Variants in SLC2A9 observed in about 807,000 individuals in gnomAD.
SLC2A9 encodes solute carrier family 2 member 9, also known as solute carrier family 2, facilitated glucose transporter member 9.
A neutral mutation model predicts 50.6 loss-of-function variants in SLC2A9; 39 were observed. The ratio of observed to expected loss-of-function variants is 0.77; its 90% CI spans 0.60 to 1.01. The LOEUF (loss-of-function observed/expected upper bound fraction) is 1.01. Ranked by LOEUF, SLC2A9 falls within the 50% of genes least tolerant of loss-of-function variation. The probability of loss-of-function intolerance (pLI) is 0.00; values close to 1 mark genes in which losing one functional copy is unlikely to be tolerated. For synonymous variants in SLC2A9, 324 were observed against 276.9 expected (o/e 1.17, Z -1.69); for missense variants, 686 against 677.6 (o/e 1.01, Z -0.14).
chr4:9,857,993 T>C (rs567531901), intron 10 of SLC2A9, among the ~76,000 whole-genome samples: 1 of 152,332 alleles, frequency 6.6e-6, no homozygotes, highest in South Asian at 2.1e-4. Context: ...AAAAATAGGA[T>C]GTCCCATGTC....
intron 2 of SLC2A9, among the ~76,000 whole-genome samples, chr4:9,998,323 T>C (rs1340292310): frequency 7.4e-6 from 1 of 135,234 alleles, no homozygotes; most frequent in Non-Finnish European, 1.5e-5. Flanking sequence ...AGACCTGGGC[T>C]CAAATCCCAG....
chr4:10,037,261 A>T (rs1230263345), intron 1 of SLC2A9, among the ~76,000 whole-genome samples: 1 of 152,150 alleles, frequency 6.6e-6, no homozygotes, highest in Non-Finnish European at 1.5e-5. Context: ...CCACCACTGA[A>T]CTGTGTTCTG....
At chr4:9,821,093 G>A (rs1045398911) in intron 3 of SLC2A9, among the ~76,000 whole-genome samples, 1 of 152,090 alleles carries the variant, frequency 6.6e-6, no homozygotes, top group Non-Finnish European at 1.5e-5. Flanking sequence ...TCAGGTTAAG[G>A]CAGCTTTTTT....
intron 2 of SLC2A9, among the ~76,000 whole-genome samples, chr4:10,018,117 T>G (rs1404588808): frequency 1.3e-5 from 2 of 152,176 alleles, no homozygotes; most frequent in Non-Finnish European, 2.9e-5. Context: ...ACCCAACCTT[T>G]AACTGCAAAC....
chr4:9,829,154 A>G (rs1170500771), intron 11 of SLC2A9, among the ~76,000 whole-genome samples: 1 of 152,178 alleles, frequency 6.6e-6, no homozygotes, highest in Non-Finnish European at 1.5e-5. Flanking sequence ...CTGTAATCCC[A>G]GCACTTTGGG....
intron 6 of SLC2A9, among the ~76,000 whole-genome samples, chr4:9,926,135 C>G (rs973092457): frequency 6.6e-6 from 1 of 152,046 alleles, no homozygotes; most frequent in East Asian, 1.9e-4. Context: ...CCTGGGAGTG[C>G]CCCCTGAGCA....
At chr4:9,857,553 CA>C (rs1273545970) in intron 10 of SLC2A9, among the ~76,000 whole-genome samples, 1 of 152,228 alleles carries the variant, frequency 6.6e-6, no homozygotes, top group Non-Finnish European at 1.5e-5. Context: ...GTTGGCTTTT[CA>C]CAAGCCAGAA....
intron 1 of SLC2A9, among the ~76,000 whole-genome samples, chr4:10,037,286 G>A (rs927732297): frequency 6.6e-6 from 1 of 152,124 alleles, no homozygotes; most frequent in African/African-American, 2.4e-5. Flanking sequence ...TCTAGATTAC[G>A]GACTTGCCTT....
intron 10 of SLC2A9, among the ~76,000 whole-genome samples, chr4:9,841,523 C>T (rs1203026144): frequency 6.6e-6 from 1 of 152,180 alleles, no homozygotes; most frequent in Non-Finnish European, 1.5e-5. Flanking sequence ...CGATCTTTGA[C>T]ACCTTTTCTT....
At chr4:9,807,208 A>G (rs1722242454) in intron 3 of SLC2A9, among the ~76,000 whole-genome samples, 1 of 152,068 alleles carries the variant, frequency 6.6e-6, no homozygotes, top group South Asian at 2.1e-4. Flanking sequence ...GTCACTTGCT[A>G]TGGTCCTCAC....
chr4:9,949,833 T>C (rs1049656798), intron 5 of SLC2A9, among the ~76,000 whole-genome samples: 7 of 152,224 alleles, frequency 4.6e-5, no homozygotes, highest in African/African-American at 1.4e-4. Context: ...AACATCAAGA[T>C]AGTGAAGCCT....
intron 3 of SLC2A9, among the ~76,000 whole-genome samples, chr4:9,995,156 T>A (rs957236990): frequency 6.6e-6 from 1 of 152,066 alleles, no homozygotes; most frequent in Non-Finnish European, 1.5e-5. Flanking sequence ...CCATTCCCCA[T>A]CTACAGACCC....
At chr4:9,836,993 A>C (rs995054584) in intron 10 of SLC2A9, among the ~76,000 whole-genome samples, 2 of 152,188 alleles carry the variant, frequency 1.3e-5, no homozygotes, top group African/African-American at 4.8e-5. Context: ...GGCCAACTCA[A>C]GTCTGAATCT....
intron 3 of SLC2A9, among the ~76,000 whole-genome samples, chr4:9,988,304 G>A (rs1367679678): frequency 6.6e-6 from 1 of 152,240 alleles, no homozygotes; most frequent in Non-Finnish European, 1.5e-5. Flanking sequence ...GCCTCCAAAA[G>A]CTTTGGTCTG....
intron 10 of SLC2A9, among the ~76,000 whole-genome samples, chr4:9,861,894 C>G (rs1731720072): frequency 6.6e-6 from 1 of 152,166 alleles, no homozygotes; most frequent in African/African-American, 2.4e-5. Context: ...TCCTCTGCTT[C>G]AAATCTCCAA....
At chr4:9,982,300 G>T (rs1304139676) in intron 4 of SLC2A9, among the ~76,000 whole-genome samples, 1 of 152,208 alleles carries the variant, frequency 6.6e-6, no homozygotes, top group African/African-American at 2.4e-5. Flanking sequence ...TGCTTTGAGA[G>T]GGTTGGTGAG....
rs149501985 is a variant in SLC2A9 at position 9,893,103 on chromosome 4, T to G, written c.1114-2392A>C. Among the ~76,000 whole-genome samples, 413 of 152,276 alleles carry G rather than the reference T, an allele frequency of 2.7e-3. 5 individuals carry two copies. Among genetic ancestry groups the G allele is most frequent in the African/African-American group, 9.7e-3 (405 of 41,554 alleles). On this transcript the variant is annotated intron_variant, in intron 8 of 11. Transcript: ENST00000264784. ...AAAATCTTTTCTGTTGTTGTGACATTACATTTTCTTGACATTAAACTAGAA... is the reference window on the plus strand; with the variant it reads ...AAAATCTTTTCTGTTGTTGTGACATGACATTTTCTTGACATTAAACTAGAA...
chr4:9,893,140 C>T (rs1277259042), intron 8 of SLC2A9, among the ~76,000 whole-genome samples: 4 of 152,122 alleles, frequency 2.6e-5, no homozygotes, highest in Non-Finnish European at 4.4e-5. Flanking sequence ...CAGTCAATGC[C>T]ACCACTTGGT....
chr4:9,851,979 A>G (rs1417342518), intron 10 of SLC2A9, among the ~76,000 whole-genome samples: 1 of 152,246 alleles, frequency 6.6e-6, no homozygotes, highest in Non-Finnish European at 1.5e-5. Context: ...AGAGAAAGCA[A>G]GCAACTTGGA....
Sources: allele counts gnomAD v4.1 joint callset (sites outside exome capture counted in the v4.1 genomes callset), GRCh38; gene constraint gnomAD v4.1.1; transcripts MANE v1.5; gene names NCBI Gene and HGNC (gene_info 2026-07-23, HGNC 2026-07-21).